Variants in CTNNA3 observed in about 807,000 individuals in gnomAD.
The protein encoded by CTNNA3 is catenin alpha-3.
CTNNA3 carries 76 observed loss-of-function variants against 95.7 expected under a neutral mutation model. The ratio of observed to expected loss-of-function variants is 0.79; its 90% CI spans 0.66 to 0.96. The LOEUF (loss-of-function observed/expected upper bound fraction) is 0.96. Among genes scored for constraint, CTNNA3 ranks in the 40% least tolerant of loss-of-function variants. The probability of loss-of-function intolerance (pLI) is 0.00; values close to 1 mark genes in which losing one functional copy is unlikely to be tolerated. For missense variants in CTNNA3, 1,191 were observed against 1,089.8 expected, an observed-to-expected ratio of 1.09 and a Z score of -1.31; for synonymous variants, 431 against 374.4, an observed-to-expected ratio of 1.15 and a Z score of -1.74.
At chr10:66,849,908 A>T (rs1328169731) in intron 7 of CTNNA3, among the ~76,000 whole-genome samples, 3 of 151,940 alleles carry the variant, frequency 2.0e-5, no homozygotes, top group East Asian at 1.9e-4. Flanking sequence ...GAAAGCTTAA[A>T]TTTTTTACTT....
intron 12 of CTNNA3, among the ~76,000 whole-genome samples, chr10:66,312,494 C>T (rs1397638755): frequency 6.6e-6 from 1 of 151,272 alleles, no homozygotes; most frequent in East Asian, 1.9e-4. Context: ...TATATGAAGG[C>T]TGTCAAAATA....
At chr10:67,611,339 A>G (rs2133387899) in intron 2 of CTNNA3, among the ~76,000 whole-genome samples, 1 of 151,030 alleles carries the variant, frequency 6.6e-6, no homozygotes, top group South Asian at 2.1e-4. Context: ...TTTGAGACGG[A>G]GTCTCACTCT....
At chr10:66,948,094 T>G (rs1364581582) in intron 7 of CTNNA3, among the ~76,000 whole-genome samples, 1 of 152,160 alleles carries the variant, frequency 6.6e-6, no homozygotes. Flanking sequence ...AAACACAATA[T>G]CATAACTTGT....
At chr10:67,310,109 T>A (rs942919085) in intron 5 of CTNNA3, among the ~76,000 whole-genome samples, 1 of 152,154 alleles carries the variant, frequency 6.6e-6, no homozygotes, top group East Asian at 1.9e-4. Flanking sequence ...GTTAAATAAG[T>A]AGGTGGAGAT....
chr10:66,427,578 T>C (rs896219922), intron 11 of CTNNA3, among the ~76,000 whole-genome samples: 11 of 152,234 alleles, frequency 7.2e-5, no homozygotes, highest in Admixed American at 2.0e-4. Flanking sequence ...ATTGGTAACA[T>C]GGACATTTGA....
At chr10:66,405,276 T>C (rs544463030) in intron 11 of CTNNA3, among the ~76,000 whole-genome samples, 57 of 152,250 alleles carry the variant, frequency 3.7e-4, no homozygotes, top group Middle Eastern at 3.4e-3. Flanking sequence ...CAGAAAACTA[T>C]GGTTGTGGTG....
At chr10:67,156,551 A>G (rs972631121) in intron 7 of CTNNA3, among the ~76,000 whole-genome samples, 3 of 152,048 alleles carry the variant, frequency 2.0e-5, no homozygotes, top group Admixed American at 6.6e-5. Flanking sequence ...ATGCAAGAGT[A>G]TATTGTTTAA....
chr10:67,172,771 C>T (rs2132117157), intron 7 of CTNNA3, among the ~76,000 whole-genome samples: 1 of 152,148 alleles, frequency 6.6e-6, no homozygotes, highest in South Asian at 2.1e-4. Context: ...GTCAGGAGTT[C>T]AAGACCAGCT....
At chr10:67,750,417 G>A (rs1289383241) in intron 1 of CTNNA3, 1 of 1,483,822 alleles carries the variant, frequency 6.7e-7, no homozygotes, top group Non-Finnish European at 9.4e-7. Flanking sequence ...CACATTGACT[G>A]TGCCTATGTC....
intron 5 of CTNNA3, among the ~76,000 whole-genome samples, chr10:67,341,822 A>G (rs1343472319): frequency 6.6e-6 from 1 of 152,138 alleles, no homozygotes; most frequent in Non-Finnish European, 1.5e-5. Context: ...AGAGTGTACA[A>G]TGACTCCCTT....
intron 15 of CTNNA3, among the ~76,000 whole-genome samples, chr10:66,030,345 A>G (rs974982355): frequency 6.6e-6 from 1 of 152,218 alleles, no homozygotes; most frequent in Non-Finnish European, 1.5e-5. Flanking sequence ...CCAAAGCAGC[A>G]TGCTACTGGT....
intron 3 of CTNNA3, among the ~76,000 whole-genome samples, chr10:67,575,354 C>T (rs1381913749): frequency 3.7e-5 from 4 of 107,972 alleles, no homozygotes; most frequent in African/African-American, 2.0e-4. Context: ...TTTGAGACAT[C>T]TCTGGATTAG....
At chr10:66,601,484 T>C (rs1236353831) in intron 10 of CTNNA3, among the ~76,000 whole-genome samples, 1 of 151,912 alleles carries the variant, frequency 6.6e-6, no homozygotes, top group Non-Finnish European at 1.5e-5. Context: ...TCTCAAGTTC[T>C]CCAAAACCAG....
chr10:67,760,873 C>T (rs1440809971), intron 1 of CTNNA3, among the ~76,000 whole-genome samples: 6 of 152,264 alleles, frequency 3.9e-5, no homozygotes, highest in African/African-American at 7.2e-5. Flanking sequence ...GGAAAACAAG[C>T]TCAGGGCTCC....
At chr10:66,032,192 A>G (rs1213550458) in intron 15 of CTNNA3, among the ~76,000 whole-genome samples, 15 of 152,122 alleles carry the variant, frequency 9.9e-5, no homozygotes, top group Non-Finnish European at 2.1e-4. Context: ...TTAGTGCACA[A>G]TATTTCTTTG....
intron 11 of CTNNA3, among the ~76,000 whole-genome samples, chr10:66,518,167 G>T (rs943789632): frequency 1.1e-4 from 16 of 152,114 alleles, no homozygotes; most frequent in Non-Finnish European, 2.1e-4. Flanking sequence ...AACTGCTTAA[G>T]TTGTCCATGA....
intron 10 of CTNNA3, among the ~76,000 whole-genome samples, chr10:66,527,447 A>T (rs1031287260): frequency 2.6e-5 from 4 of 152,154 alleles, no homozygotes; most frequent in African/African-American, 7.2e-5. Context: ...TGTGCAAAAT[A>T]CATTGTTGGT....
intron 17 of CTNNA3, among the ~76,000 whole-genome samples, chr10:65,959,942 T>A (rs955337062): frequency 1.3e-5 from 2 of 152,158 alleles, no homozygotes; most frequent in Non-Finnish European, 2.9e-5. Context: ...TGGTAAAAAA[T>A]GTCTATCATA....
At chr10:65,975,270 A>G (rs973320721) in intron 16 of CTNNA3, among the ~76,000 whole-genome samples, 3 of 152,142 alleles carry the variant, frequency 2.0e-5, no homozygotes, top group Non-Finnish European at 2.9e-5. Flanking sequence ...TATAGAAATT[A>G]AGGGTGTTTC....
Sources: allele counts gnomAD v4.1 joint callset (sites outside exome capture counted in the v4.1 genomes callset), GRCh38; gene constraint gnomAD v4.1.1; transcripts MANE v1.5; gene names NCBI Gene and HGNC (gene_info 2026-07-23, HGNC 2026-07-21).